The following MEIKIN variants were observed in gnomAD, a reference collection of about 807,000 sequenced individuals.
MEIKIN encodes meiosis-specific kinetochore protein.
rs1012647396 is a variant in MEIKIN, at chr5:131,945,641, G to A, written c.-136C>T. The A allele has an allele frequency of 2.3e-5, 9 of 395,796 alleles. No homozygotes were observed. The highest frequency in any genetic ancestry group is 4.5e-6 in the Non-Finnish European group (1 of 224,202). 24.5% of individuals were successfully genotyped at this position (395,796 alleles called of 1,614,324 possible). A position where few individuals can be genotyped will look rare whatever the true frequency, so the allele number is the denominator to read the frequency against. ...GAGCAGCCTCACAGCAACTAATCGA[G>A]CGAAAGCAAAAGCCCCAGAACTGGA... On this transcript the variant is annotated 5_prime_UTR_variant, in exon 1 of 13. Coordinates refer to ENST00000442687, the MANE Select transcript of MEIKIN (RefSeq NM_001303622.2).
intron 9 of MEIKIN, among the ~76,000 whole-genome samples, chr5:131,873,146 C>G (rs1750538717): frequency 6.6e-6 from 1 of 152,102 alleles, no homozygotes; most frequent in Non-Finnish European, 1.5e-5. Context: ...TCACATATAA[C>G]AATATTAACT....
intron 8 of MEIKIN, among the ~76,000 whole-genome samples, chr5:131,882,508 G>C (rs1207756707): frequency 6.6e-6 from 1 of 152,132 alleles, no homozygotes; most frequent in Non-Finnish European, 1.5e-5. Flanking sequence ...CAACATATAT[G>C]AATATCCTAA....
chr5:131,829,991 T>C (rs967445011), intron 11 of MEIKIN, among the ~76,000 whole-genome samples: 2 of 152,172 alleles, frequency 1.3e-5, no homozygotes, highest in African/African-American at 4.8e-5. Flanking sequence ...TTTAAAGCAT[T>C]AATGTAAGAA....
chr5:131,871,864 C>T (rs192781833), intron 9 of MEIKIN, among the ~76,000 whole-genome samples: 175 of 152,252 alleles, frequency 1.1e-3, no homozygotes, highest in African/African-American at 4.1e-3. Flanking sequence ...CTGCAGCCAC[C>T]ACTGCTGATA....
At chr5:131,914,045 A>C (rs1751371131) in intron 7 of MEIKIN, among the ~76,000 whole-genome samples, 1 of 152,160 alleles carries the variant, frequency 6.6e-6, no homozygotes, top group Admixed American at 6.5e-5. Context: ...ATATGTTATC[A>C]TGGGAATGGT....
intron 8 of MEIKIN, among the ~76,000 whole-genome samples, chr5:131,881,228 G>C (rs1290223720): frequency 6.6e-6 from 1 of 152,302 alleles, no homozygotes; most frequent in African/African-American, 2.4e-5. Context: ...GTAGGACCAG[G>C]TTAGGTCTTG....
At position 131,901,352 on chromosome 5, in the gene MEIKIN, C is replaced by T. The variant is rs151120804; in HGVS notation, c.703+10463G>A. On this transcript the variant is annotated intron_variant, in intron 8 of 12. Coordinates refer to ENST00000442687, the MANE Select transcript of MEIKIN (RefSeq NM_001303622.2). ...GAGTCCCATACCTGCCAGCACCCAC[C>T]TCGTCCTAACATCGCCACCAGTGTG... Among the ~76,000 whole-genome samples the T allele has an allele frequency of 4.7e-3, 721 of 152,268 alleles. 1 individual carries two copies. The highest frequency in any genetic ancestry group is 9.3e-3 in the South Asian group (45 of 4,830).
chr5:131,905,603 C>A (rs1459583005), intron 8 of MEIKIN, among the ~76,000 whole-genome samples: 1 of 152,134 alleles, frequency 6.6e-6, no homozygotes, highest in Non-Finnish European at 1.5e-5. Flanking sequence ...GGAGACATTA[C>A]CACTGACCCC....
rs1160244750 is a variant in MEIKIN at position 131,807,110 on chromosome 5, A to G, written c.*126T>C. On this transcript the variant is annotated 3_prime_UTR_variant, in exon 13 of 13. Coordinates refer to ENST00000442687, the MANE Select transcript of MEIKIN (RefSeq NM_001303622.2). ...CAGTAGAATTTCAACATAGAGATATATCACAAATAACTGGAGAATTTTTAA... is the reference window on the plus strand; with the variant it reads ...CAGTAGAATTTCAACATAGAGATATGTCACAAATAACTGGAGAATTTTTAA... 2.5e-6 allele frequency: 1 copy of G among 396,220 alleles called. No individual in the cohort carries two copies. The highest frequency in any genetic ancestry group is 2.1e-5 in the African/African-American group (1 of 48,672). 24.5% of individuals were successfully genotyped at this position (396,220 alleles called of 1,614,324 possible).
chr5:131,906,120 T>C (rs1001300570), intron 8 of MEIKIN, among the ~76,000 whole-genome samples: 1 of 152,148 alleles, frequency 6.6e-6, no homozygotes, highest in Admixed American at 6.5e-5. Flanking sequence ...TTGCTAACTA[T>C]ACATCTCACA....
chr5:131,891,520 T>TCAGAGAC (rs1284271746), intron 8 of MEIKIN, among the ~76,000 whole-genome samples: 1 of 152,234 alleles, frequency 6.6e-6, no homozygotes, highest in Non-Finnish European at 1.5e-5. Context: ...GTCTGTTTTA[T>TCAGAGAC]CAGAGACGAG....
At chr5:131,911,466 A>C (rs906326098) in intron 8 of MEIKIN, among the ~76,000 whole-genome samples, 1 of 151,946 alleles carries the variant, frequency 6.6e-6, no homozygotes, top group Non-Finnish European at 1.5e-5. Flanking sequence ...ATCATTATGC[A>C]TAACTACAAT....
chr5:131,817,509 G>A (rs575511113), intron 12 of MEIKIN, among the ~76,000 whole-genome samples: 6 of 151,886 alleles, frequency 4.0e-5, no homozygotes, highest in East Asian at 1.9e-4. Flanking sequence ...CCAGCTACTC[G>A]GGAGGCTGAG....
chr5:131,872,164 T>C (rs1327564634), intron 9 of MEIKIN, among the ~76,000 whole-genome samples: 2 of 151,722 alleles, frequency 1.3e-5, no homozygotes, highest in South Asian at 2.1e-4. Flanking sequence ...CTTTGACGAG[T>C]TGAGAGAAGA....
At chr5:131,931,499 G>C (rs527802697) in intron 5 of MEIKIN, among the ~76,000 whole-genome samples, 1 of 152,244 alleles carries the variant, frequency 6.6e-6, no homozygotes, top group African/African-American at 2.4e-5. Flanking sequence ...GTTCCCTCAG[G>C]CATCCCTCAG....
chr5:131,857,898 G>A (rs1207763353), intron 9 of MEIKIN, among the ~76,000 whole-genome samples: 3 of 152,192 alleles, frequency 2.0e-5, no homozygotes, highest in Non-Finnish European at 4.4e-5. Context: ...TGCCAATGTG[G>A]CCTGCATGAG....
chr5:131,836,901 A>G lies in MEIKIN; in HGVS notation c.975+14363T>C, dbSNP rs958949177. Among the ~76,000 whole-genome samples, 4 of 152,144 alleles carry G rather than the reference A, an allele frequency of 2.6e-5. No individual in the cohort carries two copies. In the East Asian group the frequency reaches 7.7e-4, roughly 29 times the overall value. ...CGTGGAGACAGTCTTTAGTTTCATTAGATCCCATTTGTCAATTTTTGCTTT... is the reference window on the plus strand; with the variant it reads ...CGTGGAGACAGTCTTTAGTTTCATTGGATCCCATTTGTCAATTTTTGCTTT... On this transcript the variant is annotated intron_variant, in intron 11 of 12. Transcript: ENST00000442687.
intron 11 of MEIKIN, among the ~76,000 whole-genome samples, chr5:131,820,325 G>C (rs1304598451): frequency 6.6e-6 from 1 of 151,884 alleles, no homozygotes; most frequent in Non-Finnish European, 1.5e-5. Context: ...CACCTCAGGT[G>C]ATCTGCCTGC....
intron 12 of MEIKIN, among the ~76,000 whole-genome samples, chr5:131,812,212 CAT>C (rs2149600463): frequency 1.3e-5 from 2 of 152,264 alleles, no homozygotes; most frequent in East Asian, 3.9e-4. Context: ...TTGTATATAA[CAT>C]GTAATATGTA....
Sources: gnomAD v4.1 joint callset for allele counts (sites outside exome capture counted in the v4.1 genomes callset) on GRCh38, gnomAD v4.1.1 for gene constraint, MANE v1.5 for transcripts, NCBI Gene and HGNC (gene_info 2026-07-23, HGNC 2026-07-21) for gene names.